The following LPAR1 variants were observed in gnomAD, a reference collection of about 807,000 sequenced individuals.
The protein encoded by LPAR1 is LPA receptor 1.
LPAR1 carries 5 observed loss-of-function variants against 23.8 expected under a neutral mutation model. That is an observed-to-expected ratio of 0.21 (90% confidence interval 0.11 to 0.44). The LOEUF (loss-of-function observed/expected upper bound fraction) is 0.44. Ranked by LOEUF, LPAR1 falls within the 20% of genes least tolerant of loss-of-function variation. The probability of loss-of-function intolerance (pLI) is 0.99; values close to 1 mark genes in which losing one functional copy is unlikely to be tolerated. For missense variants in LPAR1, 311 were observed against 482.8 expected (o/e 0.64, Z 3.33); for synonymous variants, 160 against 164.7 (o/e 0.97, Z 0.22).
chr9:110,933,236 G>A (rs968276936), intron 5 of LPAR1, among the ~76,000 whole-genome samples: 1 of 152,192 alleles, frequency 6.6e-6, no homozygotes, highest in Non-Finnish European at 1.5e-5. Context: ...TTCATACTAT[G>A]TCATAGAAAT....
chr9:110,892,960 G>A (rs1259683263), intron 5 of LPAR1, among the ~76,000 whole-genome samples: 1 of 152,172 alleles, frequency 6.6e-6, no homozygotes, highest in Non-Finnish European at 1.5e-5. Context: ...CAATATCTGT[G>A]GCTGGGTGGT....
At chr9:110,928,129 A>G (rs929967620) in intron 5 of LPAR1, among the ~76,000 whole-genome samples, 7 of 152,140 alleles carry the variant, frequency 4.6e-5, no homozygotes, top group African/African-American at 1.7e-4. Flanking sequence ...GTAACTGCAG[A>G]AGGACAATAC....
At chr9:110,904,144 A>C (rs1479791331) in intron 5 of LPAR1, among the ~76,000 whole-genome samples, 1 of 152,184 alleles carries the variant, frequency 6.6e-6, no homozygotes, top group Non-Finnish European at 1.5e-5. Flanking sequence ...CAGACCTTTT[A>C]AAAATGGCTA....
At chr9:111,024,879 C>G (rs2097657681) in intron 2 of LPAR1, among the ~76,000 whole-genome samples, 1 of 152,122 alleles carries the variant, frequency 6.6e-6, no homozygotes, top group Admixed American at 6.5e-5. Flanking sequence ...AGGACATGAA[C>G]TCACCTTTTT....
At chr9:110,987,868 C>T (rs537909873) in intron 2 of LPAR1, among the ~76,000 whole-genome samples, 3 of 151,966 alleles carry the variant, frequency 2.0e-5, no homozygotes, top group Non-Finnish European at 4.4e-5. Context: ...TAAAAATAAA[C>T]ACTATAAACC....
At chr9:110,902,078 T>C (rs1472713200) in intron 5 of LPAR1, among the ~76,000 whole-genome samples, 1 of 151,768 alleles carries the variant, frequency 6.6e-6, no homozygotes, top group Non-Finnish European at 1.5e-5. Context: ...ACCAGAGGAA[T>C]GTCACAGTGA....
intron 2 of LPAR1, among the ~76,000 whole-genome samples, chr9:111,013,519 G>C (rs2097374706): frequency 6.6e-6 from 1 of 152,114 alleles, no homozygotes; most frequent in African/African-American, 2.4e-5. Flanking sequence ...TCTGACCAAA[G>C]TACCACTTTA....
chr9:110,949,765 T>G (rs940366742), intron 4 of LPAR1, among the ~76,000 whole-genome samples: 5 of 152,344 alleles, frequency 3.3e-5, no homozygotes, highest in Admixed American at 6.5e-5. Flanking sequence ...AATATGTATC[T>G]TCAAGATACA....
In LPAR1 at chr9:110,993,065, G is replaced by C. The variant is rs191055386; in HGVS notation, c.-181-19507C>G. Among the ~76,000 whole-genome samples the C allele has an allele frequency of 9.2e-5, 14 of 152,200 alleles. No individual in the cohort carries two copies. In the South Asian group the frequency reaches 1.2e-3, roughly 14 times the overall value. ...AACTTTTTAAAATGTAATATTTAAA[G>C]AACATTCTCCTTAAATGGAAAACTC... On this transcript the variant is annotated intron_variant, in intron 2 of 5. Transcript: ENST00000683809.
intron 5 of LPAR1, among the ~76,000 whole-genome samples, chr9:110,940,351 CAG>C (rs2095015932): frequency 6.6e-6 from 1 of 152,142 alleles, no homozygotes; most frequent in Non-Finnish European, 1.5e-5. Flanking sequence ...AGGTAATTCC[CAG>C]AGTTTCAGAG....
At chr9:111,007,690 T>C (rs1189552444) in intron 2 of LPAR1, among the ~76,000 whole-genome samples, 1 of 152,132 alleles carries the variant, frequency 6.6e-6, no homozygotes, top group African/African-American at 2.4e-5. Context: ...TCTCATCCTG[T>C]CCCTGAAGGA....
chr9:110,946,000 G>A (rs1268051456), intron 4 of LPAR1, among the ~76,000 whole-genome samples: 3 of 152,234 alleles, frequency 2.0e-5, no homozygotes, highest in Non-Finnish European at 2.9e-5. Flanking sequence ...GTAGCCACAG[G>A]CTCTGAGGAT....
At chr9:110,882,974 G>A (rs1010048477) in intron 5 of LPAR1, among the ~76,000 whole-genome samples, 4 of 152,182 alleles carry the variant, frequency 2.6e-5, no homozygotes, top group African/African-American at 9.6e-5. Context: ...AGGCAGAAGA[G>A]TAGAAAGTTT....
At chr9:110,926,901 A>G (rs1293856782) in intron 5 of LPAR1, among the ~76,000 whole-genome samples, 3 of 152,138 alleles carry the variant, frequency 2.0e-5, no homozygotes, top group Non-Finnish European at 4.4e-5. Flanking sequence ...AAAGCCGGCA[A>G]CTCCTCACAC....
At chr9:110,921,959 G>A (rs531986984) in intron 5 of LPAR1, among the ~76,000 whole-genome samples, 4 of 152,156 alleles carry the variant, frequency 2.6e-5, no homozygotes, top group Non-Finnish European at 2.9e-5. Flanking sequence ...CAGAGCCTAC[G>A]GGGCTGCATC....
rs191969816 is a variant in LPAR1, at chr9:110,875,261, T to C, written c.*160A>G. On this transcript the variant is annotated 3_prime_UTR_variant, in exon 6 of 6. Coordinates refer to ENST00000683809, the MANE Select transcript of LPAR1 (RefSeq NM_001351411.2). ...AAGCTAATTTTCAATATATATCAAGTCTTGTGGGGTCCAGGAACAAATACT... is the reference window on the plus strand; with the variant it reads ...AAGCTAATTTTCAATATATATCAAGCCTTGTGGGGTCCAGGAACAAATACT... 1.5e-4 allele frequency: 85 copies of C among 581,944 alleles called. No homozygotes were observed. In the East Asian group the frequency reaches 2.3e-3, roughly 16 times the overall value. 36.0% of individuals were successfully genotyped at this position (581,944 alleles called of 1,614,324 possible).
In LPAR1 at chr9:110,994,227, T is replaced by G. The variant is rs1025722587; in HGVS notation, c.-181-20669A>C. On this transcript the variant is annotated intron_variant, in intron 2 of 5. Coordinates refer to ENST00000683809, the MANE Select transcript of LPAR1 (RefSeq NM_001351411.2). Reference sequence around the variant, plus strand: ...AACAGGAAACATGTAACAAACCCACTGAGGAACATTCTACACAATGAACAG... The same window carrying G: ...AACAGGAAACATGTAACAAACCCACGGAGGAACATTCTACACAATGAACAG... 3.1e-4 allele frequency among the ~76,000 whole-genome samples: 47 copies of G among 152,080 alleles called. 4 individuals carry two copies. The highest frequency in any genetic ancestry group is 2.9e-5 in the Non-Finnish European group (2 of 68,020).
chr9:110,971,336 A>C (rs1010450565), intron 4 of LPAR1, among the ~76,000 whole-genome samples: 1 of 152,162 alleles, frequency 6.6e-6, no homozygotes, highest in African/African-American at 2.4e-5. Flanking sequence ...GAGGAAACTG[A>C]AGCTGAGAGA....
In LPAR1 at chr9:110,952,671, C is replaced by A. The variant is rs74583509; in HGVS notation, c.46-10503G>T. On this transcript the variant is annotated intron_variant, in intron 4 of 5. Coordinates refer to ENST00000683809, the MANE Select transcript of LPAR1 (RefSeq NM_001351411.2). ...GGGGCTGAAGCATGTGCTCTCCAAC[C>A]ACCTGTCTGTGGTTGCTGCCACTGA... Among the ~76,000 whole-genome samples, 615 of 152,272 alleles carry A rather than the reference C, an allele frequency of 4.0e-3. 10 individuals are homozygous for A. The highest frequency in any genetic ancestry group is 0.014 in the African/African-American group (598 of 41,562).
Sources: gnomAD v4.1 joint callset for allele counts (sites outside exome capture counted in the v4.1 genomes callset) on GRCh38, gnomAD v4.1.1 for gene constraint, MANE v1.5 for transcripts, NCBI Gene and HGNC (gene_info 2026-07-23, HGNC 2026-07-21) for gene names.